The following ACAP2 variants were observed in gnomAD, a reference collection of about 807,000 sequenced individuals.
The protein encoded by ACAP2 is arf-GAP with coiled-coil, ANK repeat and PH domain-containing protein 2.
Under a neutral mutation model 115.8 loss-of-function variants are expected in ACAP2, and 39 were observed. The observed-to-expected ratio is 0.34, with a 90% CI of 0.26 to 0.44. The LOEUF is 0.44. Ranked by LOEUF, ACAP2 falls within the 20% of genes least tolerant of loss-of-function variation. The pLI is 1.00. For missense variants in ACAP2, 662 were observed against 927.6 expected, an observed-to-expected ratio of 0.71 and a Z score of 3.72; for synonymous variants, 289 against 315.8, an observed-to-expected ratio of 0.92 and a Z score of 0.90.
At chr3:195,282,521 A>G (rs1190700082) in intron 22 of ACAP2, 1 of 152,236 alleles carries the variant, frequency 6.6e-6, no homozygotes, top group Admixed American at 6.5e-5. Context: ...AAGATATTTA[A>G]TACAGCTAAC....
chr3:195,399,620 G>T (rs57390462), intron 1 of ACAP2, among the ~76,000 whole-genome samples: 6 of 149,578 alleles, frequency 4.0e-5, no homozygotes, highest in Admixed American at 1.3e-4. Flanking sequence ...AAAAAGTAGC[G>T]AAAAAAAAAA....
Position 195,327,969 on chromosome 3 carries a change from T to C in ACAP2, c.670-1010A>G, listed in dbSNP as rs1265561706. Among the ~76,000 whole-genome samples the C allele has an allele frequency of 5.3e-5, 8 of 152,158 alleles. No homozygotes were observed. In the East Asian group the frequency reaches 1.4e-3, roughly 26 times the overall value. Reference sequence around the variant, plus strand: ...AAAAATATATATATATGTATATATATAACCCATTTTTTTCTTGTTCCTTGG... The same window carrying C: ...AAAAATATATATATATGTATATATACAACCCATTTTTTTCTTGTTCCTTGG... On this transcript the variant is annotated intron_variant, in intron 8 of 22. Transcript: ENST00000326793.
chr3:195,378,067 G>A (rs1257289348), intron 4 of ACAP2, among the ~76,000 whole-genome samples: 1 of 148,086 alleles, frequency 6.8e-6, no homozygotes, highest in Non-Finnish European at 1.5e-5. Context: ...AGGGAGGGAG[G>A]GAGGGAGGAA....
chr3:195,342,329 G>T, intron 6 of ACAP2, 142 bp downstream of exon 6: 1 of 757,466 alleles, frequency 1.3e-6, no homozygotes, highest in Non-Finnish European at 2.0e-6. Flanking sequence ...TAGCTACACA[G>T]ATGGAAATTT....
At chr3:195,309,400 G>C (rs1728616612) in intron 10 of ACAP2, among the ~76,000 whole-genome samples, 1 of 152,036 alleles carries the variant, frequency 6.6e-6, no homozygotes, top group Admixed American at 6.6e-5. Flanking sequence ...ACAAAAATTA[G>C]CTGGGCATGG....
intron 5 of ACAP2, among the ~76,000 whole-genome samples, chr3:195,344,509 G>GT (rs1421397845): frequency 1.3e-5 from 2 of 151,230 alleles, no homozygotes; most frequent in Non-Finnish European, 2.9e-5. Flanking sequence ...CAAAATACTC[G>GT]TAAGTCACAA....
chr3:195,356,497 C>A (rs562864478), intron 4 of ACAP2, among the ~76,000 whole-genome samples: 3 of 152,290 alleles, frequency 2.0e-5, no homozygotes, highest in South Asian at 4.1e-4. Flanking sequence ...GAGACACCAG[C>A]CAATGCGGCT....
chr3:195,304,079 G>A (rs890999632), intron 13 of ACAP2, among the ~76,000 whole-genome samples: 8 of 139,802 alleles, frequency 5.7e-5, no homozygotes, highest in Non-Finnish European at 1.2e-4. Context: ...CAGCAGAATC[G>A]CTTGAACCTG....
At chr3:195,349,438 G>A (rs1014666639) in intron 4 of ACAP2, among the ~76,000 whole-genome samples, 2 of 152,016 alleles carry the variant, frequency 1.3e-5, no homozygotes, top group African/African-American at 2.4e-5. Flanking sequence ...CCGAGATCAC[G>A]CCATTGCCCC....
At chr3:195,332,729 C>A (rs1730256571) in intron 8 of ACAP2, among the ~76,000 whole-genome samples, 1 of 152,166 alleles carries the variant, frequency 6.6e-6, no homozygotes, top group Non-Finnish European at 1.5e-5. Context: ...CTCACGAGAT[C>A]TGATGGTTTT....
At chr3:195,305,991 A>G (rs1728395499) in intron 13 of ACAP2, among the ~76,000 whole-genome samples, 1 of 152,026 alleles carries the variant, frequency 6.6e-6, no homozygotes, top group Admixed American at 6.6e-5. Context: ...CAGATGACCC[A>G]AAAGTGCTGA....
At chr3:195,334,787 A>T (rs891311772) in intron 7 of ACAP2, among the ~76,000 whole-genome samples, 1 of 152,186 alleles carries the variant, frequency 6.6e-6, no homozygotes, top group African/African-American at 2.4e-5. Context: ...AAATTTGATG[A>T]TATTTTTCTA....
intron 9 of ACAP2, among the ~76,000 whole-genome samples, chr3:195,325,275 A>G (rs1729709329): frequency 6.6e-6 from 1 of 152,206 alleles, no homozygotes; most frequent in South Asian, 2.1e-4. Flanking sequence ...GTATAAATAC[A>G]TGAGAAATGT....
At chr3:195,307,372 A>G (rs1728491965) in intron 11 of ACAP2, 49 bp from the exon 12 acceptor site, 3 of 1,102,284 alleles carry the variant, frequency 2.7e-6, no homozygotes, top group Non-Finnish European at 4.1e-6. Context: ...AGGTTTTAAT[A>G]CTACCAATAA....
Position 195,302,178 on chromosome 3 carries a change from A to G in ACAP2, c.1117-4T>C, listed in dbSNP as rs1362564156. ...GAGATGATTTCTTATCCAGCTTCTA[A>G]AAGAATTAAGAATTACTTGTTTTTA... On this transcript the variant is annotated splice_polypyrimidine_tract_variant and splice_region_variant and intron_variant, in intron 13 of 22. Transcript: ENST00000326793. 1.9e-6 allele frequency: 3 copies of G among 1,609,348 alleles called. No homozygotes were observed. Among genetic ancestry groups the G allele is most frequent in the Non-Finnish European group, 2.5e-6 (3 of 1,178,288 alleles).
chr3:195,321,927 A>G (rs973353164), intron 9 of ACAP2, among the ~76,000 whole-genome samples: 2 of 152,138 alleles, frequency 1.3e-5, no homozygotes, highest in Non-Finnish European at 2.9e-5. Context: ...TAGTCCTTCA[A>G]TCTGACACTG....
intron 9 of ACAP2, chr3:195,325,495 C>A (rs1307998614): frequency 2.5e-6 from 1 of 392,652 alleles, no homozygotes; most frequent in Non-Finnish European, 4.8e-6. Context: ...GGTCAGTATT[C>A]ATAATAAGCA....
chr3:195,338,311 A>G (rs1730648530), intron 6 of ACAP2, among the ~76,000 whole-genome samples: 1 of 152,148 alleles, frequency 6.6e-6, no homozygotes. Flanking sequence ...TTAGAGACAG[A>G]GTCTCACTCT....
At chr3:195,409,877 C>A (rs1713107210) in intron 1 of ACAP2, among the ~76,000 whole-genome samples, 1 of 24,364 alleles carries the variant, frequency 4.1e-5, no homozygotes. Context: ...GAGACTCCAT[C>A]TCAAAAAAAA....
Sources: gnomAD v4.1 joint callset for allele counts (sites outside exome capture counted in the v4.1 genomes callset) on GRCh38, gnomAD v4.1.1 for gene constraint, MANE v1.5 for transcripts, NCBI Gene and HGNC (gene_info 2026-07-23, HGNC 2026-07-21) for gene names.